Variants in CAMTA1 observed in about 807,000 individuals in gnomAD.
The protein encoded by CAMTA1 is calmodulin binding transcription activator 1.
A neutral mutation model predicts 170.9 loss-of-function variants in CAMTA1; 27 were observed. The ratio of observed to expected loss-of-function variants is 0.16; its 90% CI spans 0.12 to 0.22. The LOEUF is 0.22. CAMTA1 is among the 10% of genes least tolerant of loss of function. The pLI is 1.00. For synonymous variants in CAMTA1, 833 were observed against 891.5 expected (o/e 0.93, Z 1.17); for missense variants, 1,619 against 2,217.2 (o/e 0.73, Z 5.42).
At chr1:6,842,944 G>A (rs1273299845) in intron 3 of CAMTA1, among the ~76,000 whole-genome samples, 1 of 151,822 alleles carries the variant, frequency 6.6e-6, no homozygotes, top group African/African-American at 2.4e-5. Context: ...AAAGAAGGAA[G>A]CAAAAGGAAA....
At chr1:7,005,140 G>A (rs1698797395) in intron 3 of CAMTA1, among the ~76,000 whole-genome samples, 1 of 152,236 alleles carries the variant, frequency 6.6e-6, no homozygotes, top group South Asian at 2.1e-4. Flanking sequence ...AATGCCACCT[G>A]TCTACCCTTC....
chr1:7,183,523 A>T (rs1302174387), intron 4 of CAMTA1, among the ~76,000 whole-genome samples: 2 of 152,260 alleles, frequency 1.3e-5, no homozygotes, highest in African/African-American at 4.8e-5. Flanking sequence ...TATCCACTGC[A>T]GCATTACTTG....
At chr1:7,637,780 C>CACCCTGCCCTGCCCT (rs2095725198) in intron 6 of CAMTA1, among the ~76,000 whole-genome samples, 1 of 152,180 alleles carries the variant, frequency 6.6e-6, no homozygotes, top group Non-Finnish European at 1.5e-5. Flanking sequence ...AGACAGAGGG[C>CACCCTGCCCTGCCCT]ACCCTGCCCT....
In CAMTA1 at chr1:7,065,653, C is replaced by A. The variant is rs201526917; in HGVS notation, c.235-25651C>A. 1.3e-5 allele frequency among the ~76,000 whole-genome samples: 1 copy of A among 74,748 alleles called. No homozygotes were observed. Among genetic ancestry groups the A allele is most frequent in the African/African-American group, 9.7e-5 (1 of 10,304 alleles). 49.0% of individuals were successfully genotyped at this position (74,748 alleles called of 152,430 possible). The stretch of plus-strand genomic sequence containing the variant: ...AGGGAAGAGAGAGGAGACAGCTGCA[C>A]CTTGTTGGAGTCCATGTCAGCTGAT... On this transcript the variant is annotated intron_variant, in intron 3 of 22. Transcript: ENST00000303635. The surrounding 1 kb of genome is among the most constrained non-coding windows in gnomAD (Gnocchi z 5.2).
chr1:7,040,762 G>A (rs966766118), intron 3 of CAMTA1, among the ~76,000 whole-genome samples: 6 of 150,554 alleles, frequency 4.0e-5, no homozygotes, highest in Admixed American at 6.6e-5. Flanking sequence ...CTCACTCTGC[G>A]GTCCAGGCTG....
intron 6 of CAMTA1, among the ~76,000 whole-genome samples, chr1:7,522,366 G>A (rs1302346739): frequency 6.6e-6 from 1 of 152,228 alleles, no homozygotes; most frequent in Admixed American, 6.5e-5. Context: ...GTTGAATTTT[G>A]AGAGTTTGTT....
intron 3 of CAMTA1, among the ~76,000 whole-genome samples, chr1:6,985,521 T>C (rs1321266603): frequency 6.6e-6 from 1 of 152,264 alleles, no homozygotes; most frequent in Non-Finnish European, 1.5e-5. Flanking sequence ...GTCATTACGT[T>C]ATATTTTTTA....
At chr1:7,276,265 G>T (rs1670574944) in intron 5 of CAMTA1, among the ~76,000 whole-genome samples, 1 of 99,236 alleles carries the variant, frequency 1.0e-5, no homozygotes. Flanking sequence ...TCTACAGAAA[G>T]CCTACACCTG....
At chr1:7,336,907 A>C (rs6577439) in intron 5 of CAMTA1, among the ~76,000 whole-genome samples, 39,331 of 152,154 alleles carry the variant, frequency 0.26, 8,719 homozygotes, top group African/African-American at 0.61. Flanking sequence ...AAGGAACTCA[A>C]GGCCAGCGGC....
chr1:7,282,258 C>T (rs1014309056), intron 5 of CAMTA1, among the ~76,000 whole-genome samples: 1 of 152,160 alleles, frequency 6.6e-6, no homozygotes, highest in African/African-American at 2.4e-5. Flanking sequence ...TGTCGCCTGA[C>T]ATGGCATTTT....
At chr1:6,902,690 A>T (rs1235753998) in intron 3 of CAMTA1, among the ~76,000 whole-genome samples, 3 of 152,232 alleles carry the variant, frequency 2.0e-5, no homozygotes, top group Non-Finnish European at 4.4e-5. Context: ...TCACAAAAGA[A>T]GTTATACACA....
rs1334805603 is a variant in CAMTA1, at chr1:7,067,071, C to T, written c.235-24233C>T. Among the ~76,000 whole-genome samples, 5 of 152,336 alleles carry T rather than the reference C, an allele frequency of 3.3e-5. No individual in the cohort carries two copies. In the Middle Eastern group the frequency reaches 0.01, roughly 311 times the overall value. The stretch of plus-strand genomic sequence containing the variant: ...TTAAGATGTGGTGAAAGGTAGACAC[C>T]TTCCCTGTGCTTGGAATGCCCCAGT... On this transcript the variant is annotated intron_variant, in intron 3 of 22. Transcript: ENST00000303635. The surrounding 1 kb of genome is among the most constrained non-coding windows in gnomAD (Gnocchi z 4.3).
chr1:7,746,155 A>G (rs2096855496), intron 18 of CAMTA1, 64 bp downstream of exon 18: 4 of 1,545,974 alleles, frequency 2.6e-6, no homozygotes, highest in Non-Finnish European at 3.5e-6. Flanking sequence ...GATGAAAGTC[A>G]GAATCATGCG....
chr1:7,487,422 T>C (rs796793976), intron 6 of CAMTA1, among the ~76,000 whole-genome samples: 6 of 152,374 alleles, frequency 3.9e-5, no homozygotes, highest in African/African-American at 1.4e-4. Flanking sequence ...TGATATTTTG[T>C]TCATCAAGGA....
intron 5 of CAMTA1, among the ~76,000 whole-genome samples, chr1:7,419,829 C>T (rs936038274): frequency 2.6e-5 from 4 of 152,114 alleles, no homozygotes; most frequent in African/African-American, 9.7e-5. Context: ...CATGGCCCAC[C>T]CCATTCTTCC....
intron 4 of CAMTA1, among the ~76,000 whole-genome samples, chr1:7,138,425 A>G (rs1645669385): frequency 6.6e-6 from 1 of 152,256 alleles, no homozygotes; most frequent in Non-Finnish European, 1.5e-5. Flanking sequence ...TGATGACTAA[A>G]AAGAATCACA....
intron 3 of CAMTA1, among the ~76,000 whole-genome samples, chr1:6,988,655 TG>T (rs1049577949): frequency 3.9e-5 from 6 of 151,992 alleles, no homozygotes; most frequent in African/African-American, 1.5e-4. Flanking sequence ...CAGGTTGCTT[TG>T]TCGGAAATGA....
intron 6 of CAMTA1, among the ~76,000 whole-genome samples, chr1:7,569,670 A>T (rs77793599): frequency 0.053 from 7,959 of 151,158 alleles, 735 homozygotes; most frequent in African/African-American, 0.18. Context: ...TATTACTATT[A>T]CCATCACTAC....
rs575875227 is a variant in CAMTA1 at position 6,836,162 on chromosome 1, A to G, written c.234+10952A>G. 2.6e-5 allele frequency among the ~76,000 whole-genome samples: 4 copies of G among 152,300 alleles called. No homozygotes were observed. In the East Asian group the frequency reaches 7.7e-4, roughly 29 times the overall value. ...GATGATAAATTCTGTTATCTTGGTAATTATGAAGTTATTTTGAAGGTTTTA... is the reference window on the plus strand; with the variant it reads ...GATGATAAATTCTGTTATCTTGGTAGTTATGAAGTTATTTTGAAGGTTTTA... On this transcript the variant is annotated intron_variant, in intron 3 of 22. Coordinates refer to ENST00000303635, the MANE Select transcript of CAMTA1 (RefSeq NM_015215.4).
Sources: gnomAD v4.1 joint callset for allele counts (sites outside exome capture counted in the v4.1 genomes callset) on GRCh38, gnomAD v4.1.1 for gene constraint, Gnocchi (gnomAD v3.1) non-coding constraint, MANE v1.5 for transcripts, NCBI Gene and HGNC (gene_info 2026-07-23, HGNC 2026-07-21) for gene names.